The following NDST4 variants were observed in gnomAD, a reference collection of about 807,000 sequenced individuals.
NDST4 encodes the protein N-heparan sulfate sulfotransferase 4.
NDST4 carries 63 observed loss-of-function variants against 100.8 expected under a neutral mutation model. The ratio of observed to expected loss-of-function variants is 0.62; its 90% CI spans 0.51 to 0.77. The LOEUF (loss-of-function observed/expected upper bound fraction) is 0.77. NDST4 is among the 30% of genes least tolerant of loss of function. The pLI is 0.00. For missense variants in NDST4, 943 were observed against 1,018.4 expected, an observed-to-expected ratio of 0.93 and a Z score of 1.01; for synonymous variants, 377 against 361.8, an observed-to-expected ratio of 1.04 and a Z score of -0.48.
At chr4:115,016,533 A>T (rs1435733363) in intron 2 of NDST4, among the ~76,000 whole-genome samples, 5 of 152,130 alleles carry the variant, frequency 3.3e-5, no homozygotes, top group Admixed American at 2.6e-4. Flanking sequence ...ATTCCACTGA[A>T]TTAGCAATGA....
At chr4:114,931,135 AT>A (rs1157911929) in intron 6 of NDST4, among the ~76,000 whole-genome samples, 2 of 151,940 alleles carry the variant, frequency 1.3e-5, no homozygotes, top group Non-Finnish European at 2.9e-5. Flanking sequence ...ATGATTTTTA[AT>A]TTTTGGCTGG....
chr4:114,917,523 A>G (rs1419523905), intron 6 of NDST4, among the ~76,000 whole-genome samples: 1 of 152,102 alleles, frequency 6.6e-6, no homozygotes, highest in Admixed American at 6.6e-5. Flanking sequence ...ACTTTCATGC[A>G]CCTACAGAGG....
At chr4:115,013,451 T>C (rs1464661263) in intron 2 of NDST4, among the ~76,000 whole-genome samples, 1 of 149,950 alleles carries the variant, frequency 6.7e-6, no homozygotes, top group Admixed American at 6.7e-5. Context: ...TTTCTCCCAA[T>C]CTGCCCCATA....
chr4:114,917,653 G>T (rs1725202822), intron 6 of NDST4, among the ~76,000 whole-genome samples: 1 of 152,044 alleles, frequency 6.6e-6, no homozygotes, highest in Admixed American at 6.6e-5. Context: ...ATAGAGAGAT[G>T]CTTAGTGCTG....
chr4:114,958,526 C>T lies in NDST4; in HGVS notation c.1221+11904G>A, dbSNP rs187389743. The stretch of plus-strand genomic sequence containing the variant: ...GTAGGCTGCAAAGGCTTCGGGCTTT[C>T]GTCCTCTGAAGCAACGGCTTGAGCA... On this transcript the variant is annotated intron_variant, in intron 4 of 13. Coordinates refer to ENST00000264363, the MANE Select transcript of NDST4 (RefSeq NM_022569.3). Among the ~76,000 whole-genome samples the T allele has an allele frequency of 4.6e-5, 7 of 152,296 alleles. No homozygotes were observed. The East Asian group carries it at 1.2e-3, about 25-fold the overall frequency.
chr4:115,017,753 A>G (rs1727710660), intron 2 of NDST4, among the ~76,000 whole-genome samples: 1 of 152,036 alleles, frequency 6.6e-6, no homozygotes, highest in South Asian at 2.1e-4. Flanking sequence ...AAAGGCAATC[A>G]TTAATAAAAA....
intron 7 of NDST4, among the ~76,000 whole-genome samples, chr4:114,859,868 A>G (rs1342203885): frequency 1.3e-5 from 2 of 152,192 alleles, no homozygotes; most frequent in African/African-American, 2.4e-5. Flanking sequence ...GTTTTTCCTG[A>G]AAGCATTTCT....
At chr4:115,033,153 A>ATT (rs1253467263) in intron 2 of NDST4, among the ~76,000 whole-genome samples, 74 of 75,606 alleles carry the variant, frequency 9.8e-4, no homozygotes, top group East Asian at 3.2e-3. Flanking sequence ...ATATATATAT[A>ATT]TATATTTTTT....
At chr4:115,062,783 A>G (rs899335001) in intron 2 of NDST4, among the ~76,000 whole-genome samples, 1 of 151,970 alleles carries the variant, frequency 6.6e-6, no homozygotes, top group African/African-American at 2.4e-5. Flanking sequence ...ATGTTTGACA[A>G]TACCAACATT....
At chr4:115,093,575 A>C (rs1281756609) in intron 1 of NDST4, among the ~76,000 whole-genome samples, 1 of 152,194 alleles carries the variant, frequency 6.6e-6, no homozygotes, top group Admixed American at 6.5e-5. Flanking sequence ...GTAAAATATT[A>C]GGGAATTTGG....
intron 2 of NDST4, among the ~76,000 whole-genome samples, chr4:115,015,076 G>A (rs572405797): frequency 1.8e-4 from 28 of 152,188 alleles, no homozygotes; most frequent in South Asian, 6.2e-4. Context: ...TCCCAGCAGC[G>A]CTCCACTGGG....
At chr4:114,929,494 G>T (rs1008470961) in intron 6 of NDST4, among the ~76,000 whole-genome samples, 2 of 151,984 alleles carry the variant, frequency 1.3e-5, no homozygotes, top group Non-Finnish European at 2.9e-5. Context: ...GTCTGTCCTG[G>T]TCTCTATCAT....
intron 10 of NDST4, among the ~76,000 whole-genome samples, chr4:114,845,046 T>C (rs1049495114): frequency 6.6e-6 from 1 of 152,220 alleles, no homozygotes; most frequent in African/African-American, 2.4e-5. Flanking sequence ...AAAAAAAGAA[T>C]GGGCTGGGCT....
intron 6 of NDST4, among the ~76,000 whole-genome samples, chr4:114,891,026 T>G (rs928914940): frequency 6.6e-6 from 1 of 152,110 alleles, no homozygotes; most frequent in Non-Finnish European, 1.5e-5. Context: ...AACACCCTCC[T>G]CTTTTGAAAG....
chr4:114,951,940 A>G (rs909591564), intron 4 of NDST4, among the ~76,000 whole-genome samples: 4 of 152,208 alleles, frequency 2.6e-5, no homozygotes, highest in African/African-American at 9.6e-5. Flanking sequence ...AGTTGTAGAA[A>G]ATACTAATTT....
rs116612208 is a variant in NDST4 at position 115,103,872 on chromosome 4, G to C, written c.-247+9572C>G. On this transcript the variant is annotated intron_variant, in intron 1 of 13. Coordinates refer to ENST00000264363, the MANE Select transcript of NDST4 (RefSeq NM_022569.3). Reference sequence around the variant, plus strand: ...AGAAAAGCATGATAAAAACTCAAGAGAAGAGATCTGGAGTGATTTCACATA... The same window carrying C: ...AGAAAAGCATGATAAAAACTCAAGACAAGAGATCTGGAGTGATTTCACATA... 3.5e-3 allele frequency among the ~76,000 whole-genome samples: 527 copies of C among 152,216 alleles called. 2 individuals are homozygous for C. Among genetic ancestry groups the C allele is most frequent in the African/African-American group, 0.012 (501 of 41,558 alleles).
At chr4:115,107,859 C>A (rs969520352) in intron 1 of NDST4, among the ~76,000 whole-genome samples, 2 of 152,002 alleles carry the variant, frequency 1.3e-5, no homozygotes, top group South Asian at 4.2e-4. Flanking sequence ...TATGTCCAGA[C>A]AGATAGAGTA....
intron 2 of NDST4, among the ~76,000 whole-genome samples, chr4:115,022,245 A>G (rs1560864276): frequency 1.3e-5 from 2 of 151,376 alleles, no homozygotes; most frequent in Non-Finnish European, 2.9e-5. Flanking sequence ...TTCCACGTCT[A>G]TGCACGTTCC....
chr4:114,975,704 C>T (rs1726617535), intron 3 of NDST4, among the ~76,000 whole-genome samples: 1 of 152,088 alleles, frequency 6.6e-6, no homozygotes, highest in Admixed American at 6.6e-5. Flanking sequence ...GAATGACTTT[C>T]CTTACAATCT....
Sources: gnomAD v4.1 joint callset for allele counts (sites outside exome capture counted in the v4.1 genomes callset) on GRCh38, gnomAD v4.1.1 for gene constraint, MANE v1.5 for transcripts, NCBI Gene and HGNC (gene_info 2026-07-23, HGNC 2026-07-21) for gene names.